The following TRPM1 variants were observed in gnomAD, a reference collection of about 807,000 sequenced individuals.
TRPM1 encodes the protein TRPM1-203 APA Isoform, Intron 10.
Under a neutral mutation model 149.4 loss-of-function variants are expected in TRPM1, and 113 were observed. The ratio of observed to expected loss-of-function variants is 0.76; its 90% CI spans 0.65 to 0.88. The LOEUF is 0.88. Among genes scored for constraint, TRPM1 ranks in the 40% least tolerant of loss-of-function variants. TRPM1 has a pLI of 0.00. For synonymous variants in TRPM1, 741 were observed against 759.5 expected, an observed-to-expected ratio of 0.98 and a Z score of 0.40; for missense variants, 1,976 against 2,038.7, an observed-to-expected ratio of 0.97 and a Z score of 0.59.
chr15:31,079,929 T>C (rs188524348), intron 2 of TRPM1, among the ~76,000 whole-genome samples: 1 of 152,290 alleles, frequency 6.6e-6, no homozygotes, highest in Non-Finnish European at 1.5e-5. Flanking sequence ...ACTTTACTTT[T>C]GACATGGGAA....
rs751427833 is a variant in TRPM1 at position 31,070,229 on chromosome 15, G to A, written c.84-3C>T. Reference sequence around the variant, plus strand: ...TGGTGAACTGGCCACAGCAACACCTGAAAACAAAGGCAAAGCAGGGTCTTT... The same window carrying A: ...TGGTGAACTGGCCACAGCAACACCTAAAAACAAAGGCAAAGCAGGGTCTTT... On this transcript the variant is annotated splice_region_variant and splice_polypyrimidine_tract_variant and intron_variant, in intron 3 of 27. Coordinates refer to ENST00000256552, the MANE Select transcript of TRPM1 (RefSeq NM_001252024.2). 2.5e-6 allele frequency: 4 copies of A among 1,612,730 alleles called. No individual in the cohort carries two copies. The African/African-American group carries it at 5.3e-5, about 22-fold the overall frequency.
chr15:31,002,323 G>A lies in TRPM1; in HGVS notation c.4377C>T (p.Ser1459=). Residue 1459 remains serine, a synonymous_variant, in exon 28 of 28, where the codon TCC becomes TCT. Coordinates refer to ENST00000256552, the MANE Select transcript of TRPM1 (RefSeq NM_001252024.2). ...ETINACKTMK[S]RSFVYSRGRK... ...TTCCCCGGGAATAGACGAAGCTTCT[G>A]GACTTCATTGTTTTACAAGCATTGA... The A allele has an allele frequency of 1.2e-6, 2 of 1,614,160 alleles. No homozygotes were observed. The highest frequency in any genetic ancestry group is 2.2e-5 in the South Asian group (2 of 91,078).
At chr15:31,106,184 G>A (rs1195217792), upstream of TRPM1, among the ~76,000 whole-genome samples, 1 of 150,294 alleles carries the variant, frequency 6.7e-6, no homozygotes, top group African/African-American at 2.5e-5. Context: ...TGTTGCCCAG[G>A]CTGGAGTGCA....
chr15:31,076,799 A>G, intron 3 of TRPM1, 106 bp downstream of exon 3: 1 of 893,146 alleles, frequency 1.1e-6, no homozygotes, highest in East Asian at 2.4e-5. Flanking sequence ...TGGGGAATGG[A>G]TTCTGGCCAC....
chr15:31,089,137 A>T (rs559874513), intron 1 of TRPM1, among the ~76,000 whole-genome samples: 64 of 152,356 alleles, frequency 4.2e-4, no homozygotes, highest in African/African-American at 1.5e-3. Flanking sequence ...GTGGAAACTG[A>T]AGACAGGCTG....
chr15:31,069,476 T>G, intron 4 of TRPM1: 1 of 1,051,840 alleles, frequency 9.5e-7, no homozygotes, highest in Non-Finnish European at 1.1e-6. Flanking sequence ...ACTGGGCATG[T>G]AGGAGTGTAA....
chr15:31,083,854 C>T (rs572699669), intron 1 of TRPM1, among the ~76,000 whole-genome samples: 14 of 152,298 alleles, frequency 9.2e-5, no homozygotes, highest in African/African-American at 3.4e-4. Context: ...TCTTGTGGAA[C>T]GTCACCTGCA....
Position 31,076,932 on chromosome 15 carries a change from A to G in TRPM1, c.56T>C (p.Val19Ala), listed in dbSNP as rs759336450. 3.1e-6 allele frequency: 5 copies of G among 1,612,112 alleles called. No individual in the cohort carries two copies. ...GTTAGAGTCTTTCATGCTAGGAATT[A>G]CAAAGATACATTCCCGTTTGCAAAA... ...KTFCKRECIF[V>A]IPSMKDSNRC... Residue 19 changes from valine to alanine, a missense_variant, in exon 3 of 28, where the codon GTA (valine) becomes GCA (alanine). By Grantham distance (64) the Val-to-Ala change is moderately conservative. This residue lies in a region of TRPM1 where 1,332 missense variants were observed against 1,347.1 expected (regional missense o/e 0.99). Transcript: ENST00000256552.
At chr15:31,110,329 T>C (rs1050029166) in intron 1 of TRPM1, among the ~76,000 whole-genome samples, 3 of 152,166 alleles carry the variant, frequency 2.0e-5, no homozygotes, top group African/African-American at 7.2e-5. Flanking sequence ...TTGTAAAAGA[T>C]AATTACAAAA....
At chr15:31,077,725 A>T (rs1456440480) in intron 2 of TRPM1, among the ~76,000 whole-genome samples, 7 of 151,416 alleles carry the variant, frequency 4.6e-5, no homozygotes, top group Non-Finnish European at 1.0e-4. Context: ...CTATTTGTGG[A>T]TGTATGATGT....
intron 1 of TRPM1, among the ~76,000 whole-genome samples, chr15:31,141,290 C>A (rs968008603): frequency 1.3e-5 from 2 of 151,984 alleles, no homozygotes; most frequent in Admixed American, 6.5e-5. Context: ...ATTTCCTAGG[C>A]TTTCACTAGA....
intron 20 of TRPM1, 171 bp from the exon 21 acceptor site, chr15:31,035,845 G>A (rs2033343972): frequency 1.1e-6 from 1 of 919,160 alleles, no homozygotes; most frequent in Non-Finnish European, 1.7e-6. Flanking sequence ...CAGAAGACCT[G>A]GAGGCAGGAC....
upstream of TRPM1, among the ~76,000 whole-genome samples, chr15:31,102,393 C>T (rs1286048661): frequency 6.6e-6 from 1 of 152,226 alleles, no homozygotes; most frequent in African/African-American, 2.4e-5. Context: ...AAACCCAAAC[C>T]CTGAACTATC....
At chr15:31,053,215 A>G (rs575878414) in intron 11 of TRPM1, among the ~76,000 whole-genome samples, 8 of 152,272 alleles carry the variant, frequency 5.3e-5, no homozygotes, top group African/African-American at 1.7e-4. Flanking sequence ...ACCATCTGAG[A>G]TATTATCTCA....
chr15:31,089,928 C>A (rs752944638), intron 1 of TRPM1, among the ~76,000 whole-genome samples: 2 of 152,014 alleles, frequency 1.3e-5, no homozygotes, highest in Non-Finnish European at 2.9e-5. Flanking sequence ...CCGGGAGCAC[C>A]GTGTGGGGGT....
intron 20 of TRPM1, among the ~76,000 whole-genome samples, chr15:31,036,265 G>T (rs1277286677): frequency 6.6e-6 from 1 of 152,084 alleles, no homozygotes; most frequent in African/African-American, 2.4e-5. Flanking sequence ...CAAAAGCGGG[G>T]AGTTAAGGGG....
intron 1 of TRPM1, among the ~76,000 whole-genome samples, chr15:31,130,605 G>C (rs1268128940): frequency 1.3e-5 from 2 of 152,174 alleles, no homozygotes; most frequent in East Asian, 3.8e-4. Context: ...CACCACTGTT[G>C]TAAAACCTAA....
intron 16 of TRPM1, among the ~76,000 whole-genome samples, chr15:31,045,617 A>G (rs910298182): frequency 7.2e-5 from 11 of 152,224 alleles, no homozygotes; most frequent in Non-Finnish European, 1.5e-4. Flanking sequence ...TCTCATGGAC[A>G]TGACTTCAGG....
chr15:31,076,759 C>G, intron 3 of TRPM1, 146 bp downstream of exon 3: 2 of 705,834 alleles, frequency 2.8e-6, no homozygotes, highest in Non-Finnish European at 2.6e-6. Context: ...TAACAAGGAG[C>G]CCCAGTGACT....
Sources: gnomAD v4.1 joint callset for allele counts (sites outside exome capture counted in the v4.1 genomes callset) on GRCh38, gnomAD v4.1.1 for gene constraint, gnomAD v4.1.1 regional missense constraint, MANE v1.5 for transcripts, NCBI Gene and HGNC (gene_info 2026-07-23, HGNC 2026-07-21) for gene names.